Variants in KCNIP4 observed in about 807,000 individuals in gnomAD.
KCNIP4 encodes the protein Kv channel-interacting protein 4.
Under a neutral mutation model 34.0 loss-of-function variants are expected in KCNIP4, and 12 were observed. The observed-to-expected ratio is 0.35, with a 90% CI of 0.23 to 0.57. KCNIP4 has a LOEUF of 0.57. Among genes scored for constraint, KCNIP4 ranks in the 20% least tolerant of loss-of-function variants. The pLI, the probability that KCNIP4 is intolerant of heterozygous loss-of-function variation, is 0.83. For synonymous variants in KCNIP4, 124 were observed against 102.2 expected (o/e 1.21, Z -1.29); for missense variants, 238 against 311.7 (o/e 0.76, Z 1.78).
intron 1 of KCNIP4, among the ~76,000 whole-genome samples, chr4:21,884,448 G>C (rs539084895): frequency 2.6e-5 from 4 of 151,986 alleles, no homozygotes; most frequent in Non-Finnish European, 5.9e-5. Flanking sequence ...GCCTGGTCTC[G>C]GCACAGTAGT....
chr4:21,601,437 C>T (rs553843568), intron 1 of KCNIP4, among the ~76,000 whole-genome samples: 1 of 152,044 alleles, frequency 6.6e-6, no homozygotes, highest in East Asian at 1.9e-4. Flanking sequence ...CTGCTTCTGG[C>T]CTCGACCACT....
intron 1 of KCNIP4, among the ~76,000 whole-genome samples, chr4:21,431,981 G>A (rs1233249712): frequency 1.3e-5 from 2 of 149,478 alleles, no homozygotes; most frequent in African/African-American, 4.9e-5. Context: ...AATAATAATG[G>A]AGTGCAAATA....
At chr4:21,496,686 G>C (rs1732876888) in intron 1 of KCNIP4, among the ~76,000 whole-genome samples, 2 of 152,216 alleles carry the variant, frequency 1.3e-5, no homozygotes, top group South Asian at 4.1e-4. Flanking sequence ...TTAGGAACCG[G>C]CTGCACAGCC....
chr4:21,769,127 A>G (rs1718611925), intron 1 of KCNIP4, among the ~76,000 whole-genome samples: 1 of 152,074 alleles, frequency 6.6e-6, no homozygotes, highest in Non-Finnish European at 1.5e-5. Context: ...ACACTCCTAT[A>G]AAAGTGCTAC....
chr4:21,497,433 T>C (rs1336576688), intron 1 of KCNIP4, among the ~76,000 whole-genome samples: 2 of 152,156 alleles, frequency 1.3e-5, no homozygotes, highest in Non-Finnish European at 2.9e-5. Context: ...CTCCACTGTT[T>C]TTTCAGTGCA....
intron 1 of KCNIP4, among the ~76,000 whole-genome samples, chr4:21,511,237 T>C (rs1288705236): frequency 6.6e-6 from 1 of 152,106 alleles, no homozygotes; most frequent in Non-Finnish European, 1.5e-5. Context: ...AAACAGTGTA[T>C]TAAAGAAATA....
intron 1 of KCNIP4, among the ~76,000 whole-genome samples, chr4:21,357,935 A>T (rs940010280): frequency 8.5e-5 from 13 of 152,228 alleles, no homozygotes; most frequent in African/African-American, 3.1e-4. Context: ...TCCATCAATG[A>T]TAGACTGGAT....
chr4:21,146,415 A>C (rs956858479), intron 1 of KCNIP4, among the ~76,000 whole-genome samples: 3 of 150,310 alleles, frequency 2.0e-5, no homozygotes, highest in Admixed American at 2.0e-4. Flanking sequence ...GAAAAAAAAA[A>C]GTGGAAGACC....
chr4:21,666,076 C>A (rs1259053558), intron 1 of KCNIP4, among the ~76,000 whole-genome samples: 1 of 152,136 alleles, frequency 6.6e-6, no homozygotes, highest in Non-Finnish European at 1.5e-5. Context: ...TTGCTCCTGC[C>A]TATAGAAGAA....
At chr4:21,710,865 T>C (rs538312755) in intron 1 of KCNIP4, among the ~76,000 whole-genome samples, 1 of 152,346 alleles carries the variant, frequency 6.6e-6, no homozygotes, top group Non-Finnish European at 1.5e-5. Context: ...CTACTTTGAT[T>C]TATTCACCCT....
intron 2 of KCNIP4, among the ~76,000 whole-genome samples, chr4:20,876,631 C>T (rs113379790): frequency 0.016 from 2,388 of 152,010 alleles, 55 homozygotes; most frequent in African/African-American, 0.055. Context: ...TGCAGTGGCA[C>T]GATCTCAGCT....
intron 1 of KCNIP4, among the ~76,000 whole-genome samples, chr4:21,318,926 A>T (rs1011322334): frequency 6.6e-6 from 1 of 152,172 alleles, no homozygotes; most frequent in Non-Finnish European, 1.5e-5. Context: ...AAAAAACTCA[A>T]CATAATCCCT....
chr4:20,740,757 C>G (rs1209914513), intron 5 of KCNIP4, among the ~76,000 whole-genome samples: 1 of 152,090 alleles, frequency 6.6e-6, no homozygotes, highest in Non-Finnish European at 1.5e-5. Flanking sequence ...GCTAAACGCA[C>G]CAATTAAAAG....
chr4:21,033,983 G>T (rs1741232197), intron 1 of KCNIP4, among the ~76,000 whole-genome samples: 1 of 152,046 alleles, frequency 6.6e-6, no homozygotes, highest in Non-Finnish European at 1.5e-5. Context: ...TGCGTGTATT[G>T]CAAGTGTTAT....
At chr4:20,825,997 C>CTT (rs79344573) in intron 3 of KCNIP4, among the ~76,000 whole-genome samples, 2 of 143,550 alleles carry the variant, frequency 1.4e-5, no homozygotes, top group Admixed American at 7.0e-5. Context: ...AAATAGCAGA[C>CTT]TTTTTTTTTT....
intron 1 of KCNIP4, among the ~76,000 whole-genome samples, chr4:21,726,940 TC>T (rs1715237512): frequency 6.6e-6 from 1 of 152,146 alleles, no homozygotes; most frequent in African/African-American, 2.4e-5. Flanking sequence ...GAAATCTATT[TC>T]CCCCTAGCCA....
At chr4:21,811,464 G>A (rs903371113) in intron 1 of KCNIP4, among the ~76,000 whole-genome samples, 1 of 152,166 alleles carries the variant, frequency 6.6e-6, no homozygotes, top group Non-Finnish European at 1.5e-5. Flanking sequence ...TGTTATCCAG[G>A]TGTTTTCAAT....
At chr4:21,104,585 G>A (rs1443824164) in intron 1 of KCNIP4, among the ~76,000 whole-genome samples, 3 of 152,098 alleles carry the variant, frequency 2.0e-5, no homozygotes, top group East Asian at 1.9e-4. Flanking sequence ...CTGTGCAGAA[G>A]CTCTTTAGTT....
intron 3 of KCNIP4, among the ~76,000 whole-genome samples, chr4:20,837,704 A>T (rs955464444): frequency 3.0e-5 from 4 of 134,706 alleles, no homozygotes; most frequent in Non-Finnish European, 4.6e-5. Flanking sequence ...TTCCTTGGAG[A>T]TGGAGTCTCG....
Sources: allele counts gnomAD v4.1 joint callset (sites outside exome capture counted in the v4.1 genomes callset), GRCh38; gene constraint gnomAD v4.1.1; transcripts MANE v1.5; gene names NCBI Gene and HGNC (gene_info 2026-07-23, HGNC 2026-07-21).